The following SERINC5 variants were observed in gnomAD, a reference collection of about 807,000 sequenced individuals.
SERINC5 encodes the protein chromosome 5 open reading frame 12.
Under a neutral mutation model 63.1 loss-of-function variants are expected in SERINC5, and 41 were observed. That is an observed-to-expected ratio of 0.65 (90% confidence interval 0.51 to 0.84). The LOEUF is 0.84. Ranked by LOEUF, SERINC5 falls within the 40% of genes least tolerant of loss-of-function variation. The pLI is 0.00. For synonymous variants in SERINC5, 222 were observed against 215.2 expected, an observed-to-expected ratio of 1.03 and a Z score of -0.28; for missense variants, 523 against 573.0, an observed-to-expected ratio of 0.91 and a Z score of 0.89.
At chr5:80,223,403 A>G (rs188634330) in intron 1 of SERINC5, among the ~76,000 whole-genome samples, 1 of 152,244 alleles carries the variant, frequency 6.6e-6, no homozygotes, top group Non-Finnish European at 1.5e-5. Context: ...GTTGTGCTAT[A>G]TTTTTTAATT....
intron 1 of SERINC5, among the ~76,000 whole-genome samples, chr5:80,241,336 G>A (rs1751933000): frequency 6.6e-6 from 1 of 152,086 alleles, no homozygotes; most frequent in African/African-American, 2.4e-5. Flanking sequence ...AGGCATGGTG[G>A]CACGTGCCTG....
chr5:80,183,225 T>C (rs1337681524), intron 2 of SERINC5, among the ~76,000 whole-genome samples: 1 of 152,168 alleles, frequency 6.6e-6, no homozygotes, highest in East Asian at 1.9e-4. Flanking sequence ...ATGACAAGAA[T>C]GAAGCACAAG....
At chr5:80,218,081 C>G (rs115443886) in intron 1 of SERINC5, among the ~76,000 whole-genome samples, 1 of 152,202 alleles carries the variant, frequency 6.6e-6, no homozygotes, top group Non-Finnish European at 1.5e-5. Context: ...CTTTAAAAAA[C>G]GCTCTGCTCC....
rs1225745024 is a variant in SERINC5 at position 80,219,099 on chromosome 5, T to C, written c.28-16046A>G. Among the ~76,000 whole-genome samples the C allele has an allele frequency of 6.6e-5, 10 of 152,328 alleles. No homozygotes were observed. The East Asian group carries it at 1.9e-3, about 29-fold the overall frequency. On this transcript the variant is annotated intron_variant, in intron 1 of 11. Transcript: ENST00000507668. Reference sequence around the variant, plus strand: ...AACAAAATGTCAGACAACAGGCCTCTGGTTTGGAAAACCACAGCTGTACCT... The same window carrying C: ...AACAAAATGTCAGACAACAGGCCTCCGGTTTGGAAAACCACAGCTGTACCT...
intron 2 of SERINC5, chr5:80,198,718 T>G (rs1038864085): frequency 1.0e-6 from 1 of 985,098 alleles, no homozygotes; most frequent in African/African-American, 1.7e-5. Context: ...GAGGATGAGG[T>G]CAGCCTCTCT....
rs758292860 is a variant in SERINC5 at position 80,139,064 on chromosome 5, T to C, written c.*4599A>G. On this transcript the variant is annotated 3_prime_UTR_variant, in exon 12 of 12. Coordinates refer to ENST00000507668, the MANE Select transcript of SERINC5 (RefSeq NM_001174072.3). ...TCAAAAGTTACCAAAATTCGAATCA[T>C]ATCAGAGACCATTATAAATTTCAAA... 42 of 983,074 alleles carry C rather than the reference T, an allele frequency of 4.3e-5. No homozygotes were observed. Among genetic ancestry groups the C allele is most frequent in the Non-Finnish European group, 4.6e-5 (38 of 827,864 alleles). The allele number at this position is 983,074 out of a possible 1,614,324, so 60.9% of individuals were successfully genotyped here.
chr5:80,171,416 A>G (rs530530090), intron 5 of SERINC5, among the ~76,000 whole-genome samples: 1 of 152,346 alleles, frequency 6.6e-6, no homozygotes, highest in East Asian at 1.9e-4. Context: ...CTTTACTAAG[A>G]GCCATACTGG....
At chr5:80,236,986 G>A (rs547242573) in intron 1 of SERINC5, among the ~76,000 whole-genome samples, 6 of 151,820 alleles carry the variant, frequency 4.0e-5, no homozygotes, top group African/African-American at 1.2e-4. Context: ...CCATCATGCC[G>A]GGCTAACTTT....
intron 1 of SERINC5, among the ~76,000 whole-genome samples, chr5:80,219,605 C>G (rs977809072): frequency 6.6e-6 from 1 of 152,168 alleles, no homozygotes; most frequent in Non-Finnish European, 1.5e-5. Context: ...CCAAGGCAAG[C>G]TGGCACAAAG....
rs551469428 is a variant in SERINC5 at position 80,188,642 on chromosome 5, T to C, written c.196-10578A>G. On this transcript the variant is annotated intron_variant, in intron 2 of 11. Coordinates refer to ENST00000507668, the MANE Select transcript of SERINC5 (RefSeq NM_001174072.3). ...GGCCCACACCTGTAATCTGAGCACT[T>C]TGAGAGGCCAAGGCAGGAGGATCAC... is the stretch of plus-strand genomic sequence containing the variant. 2.6e-5 allele frequency among the ~76,000 whole-genome samples: 4 copies of C among 152,200 alleles called. No individual in the cohort carries two copies. The South Asian group carries it at 8.3e-4, about 32-fold the overall frequency.
chr5:80,166,550 A>G, intron 6 of SERINC5, 72 bp from the exon 7 acceptor site: 5 of 956,314 alleles, frequency 5.2e-6, no homozygotes, highest in Non-Finnish European at 8.2e-6. Context: ...AAAAAACCTG[A>G]TAGTCCCCAT....
chr5:80,208,513 C>T (rs1561427735), intron 1 of SERINC5, among the ~76,000 whole-genome samples: 1 of 152,140 alleles, frequency 6.6e-6, no homozygotes, highest in Non-Finnish European at 1.5e-5. Flanking sequence ...ACACTCCTCA[C>T]GCACAGTGGC....
chr5:80,140,555 GA>G lies in SERINC5; in HGVS notation c.*3107del. 2.0e-6 allele frequency: 2 copies of G among 980,992 alleles called. No individual in the cohort carries two copies. Among genetic ancestry groups the G allele is most frequent in the Non-Finnish European group, 2.4e-6 (2 of 829,068 alleles). The allele number at this position is 980,992 out of a possible 1,614,324, so 60.8% of individuals were successfully genotyped here. A position where few individuals can be genotyped will look rare whatever the true frequency, so the allele number is the denominator to read the frequency against. ...AAATAATTTCTTTTTCAGACAAAAT[GA>G]AGAACCTTTTTGCCCAAGAAACTGT... On this transcript the variant is annotated 3_prime_UTR_variant, in exon 12 of 12. Coordinates refer to ENST00000507668, the MANE Select transcript of SERINC5 (RefSeq NM_001174072.3).
At chr5:80,231,917 A>G (rs900105668) in intron 1 of SERINC5, among the ~76,000 whole-genome samples, 2 of 151,826 alleles carry the variant, frequency 1.3e-5, no homozygotes, top group African/African-American at 2.4e-5. Flanking sequence ...CCTGGGCAAC[A>G]TAGTGAGATC....
intron 11 of SERINC5, among the ~76,000 whole-genome samples, chr5:80,114,327 A>C (rs1199138037): frequency 6.6e-6 from 1 of 151,938 alleles, no homozygotes; most frequent in Non-Finnish European, 1.5e-5. Flanking sequence ...AGCAGAAGAG[A>C]AAGAGCATGT....
At chr5:80,242,918 A>G (rs971643287) in intron 1 of SERINC5, among the ~76,000 whole-genome samples, 7 of 152,222 alleles carry the variant, frequency 4.6e-5, no homozygotes, top group African/African-American at 1.2e-4. Context: ...GCAAGACTGC[A>G]TCTCAAAATG....
In SERINC5 at chr5:80,141,396, A is replaced by G; in HGVS notation, c.*2267T>C. On this transcript the variant is annotated 3_prime_UTR_variant, in exon 12 of 12. Coordinates refer to ENST00000507668, the MANE Select transcript of SERINC5 (RefSeq NM_001174072.3). ...CCCTAAGCTGCTTTCTGCAGAGGAAAGGGCCAATCACGGCCAGCCAAGGAA... is the reference window on the plus strand; with the variant it reads ...CCCTAAGCTGCTTTCTGCAGAGGAAGGGGCCAATCACGGCCAGCCAAGGAA... The G allele has an allele frequency of 4.1e-6, 4 of 985,448 alleles. No individual in the cohort carries two copies. The highest frequency in any genetic ancestry group is 4.8e-6 in the Non-Finnish European group (4 of 829,938). 61.0% of individuals were successfully genotyped at this position (985,448 alleles called of 1,614,324 possible). A position where few individuals can be genotyped will look rare whatever the true frequency, so the allele number is the denominator to read the frequency against.
In SERINC5 at chr5:80,141,455, G is replaced by T; in HGVS notation, c.*2208C>A. ...CTTGTCAGCTGGACCTTGACTGCGCGTAAGGTCAGTTTCTCAAATCACACC... is the reference window on the plus strand; with the variant it reads ...CTTGTCAGCTGGACCTTGACTGCGCTTAAGGTCAGTTTCTCAAATCACACC... On this transcript the variant is annotated 3_prime_UTR_variant, in exon 12 of 12. Coordinates refer to ENST00000507668, the MANE Select transcript of SERINC5 (RefSeq NM_001174072.3). 1.0e-6 allele frequency: 1 copy of T among 981,148 alleles called. No individual in the cohort carries two copies. Among genetic ancestry groups the T allele is most frequent in the Non-Finnish European group, 1.2e-6 (1 of 829,982 alleles). The allele number at this position is 981,148 out of a possible 1,614,324, so 60.8% of individuals were successfully genotyped here.
At chr5:80,226,721 C>T (rs977806911) in intron 1 of SERINC5, among the ~76,000 whole-genome samples, 1 of 152,066 alleles carries the variant, frequency 6.6e-6, no homozygotes, top group Non-Finnish European at 1.5e-5. Context: ...GGCAGTGATA[C>T]TAATAATAAT....
Sources: gnomAD v4.1 joint callset for allele counts (sites outside exome capture counted in the v4.1 genomes callset) on GRCh38, gnomAD v4.1.1 for gene constraint, MANE v1.5 for transcripts, NCBI Gene and HGNC (gene_info 2026-07-23, HGNC 2026-07-21) for gene names.